Variants in DPP10 observed in about 807,000 individuals in gnomAD.
DPP10 encodes inactive dipeptidyl peptidase 10.
A neutral mutation model predicts 120.9 loss-of-function variants in DPP10; 33 were observed. That is an observed-to-expected ratio of 0.27 (90% confidence interval 0.21 to 0.37). DPP10 has a LOEUF of 0.37. Ranked by LOEUF, DPP10 falls within the 10% of genes least tolerant of loss-of-function variation. The pLI, the probability that DPP10 is intolerant of heterozygous loss-of-function variation, is 1.00. For synonymous variants in DPP10, 337 were observed against 326.1 expected (o/e 1.03, Z -0.36); for missense variants, 816 against 942.8 (o/e 0.87, Z 1.76).
At chr2:114,682,677 T>C (rs1312519492) in intron 1 of DPP10, among the ~76,000 whole-genome samples, 1 of 151,712 alleles carries the variant, frequency 6.6e-6, no homozygotes, top group Non-Finnish European at 1.5e-5. Context: ...GAAAAATAGT[T>C]AAGTTGGTTC....
Position 114,812,287 on chromosome 2 carries a change from C to T in DPP10, c.60+369449C>T, listed in dbSNP as rs191776999. Reference sequence around the variant, plus strand: ...AAAGGTTCAGTTTTTCTTAAAATGACGGTGTGAATCTTTTACTCAAGAATT... The same window carrying T: ...AAAGGTTCAGTTTTTCTTAAAATGATGGTGTGAATCTTTTACTCAAGAATT... On this transcript the variant is annotated intron_variant, in intron 1 of 25. Coordinates refer to ENST00000410059, the MANE Select transcript of DPP10 (RefSeq NM_020868.6). Among the ~76,000 whole-genome samples the T allele has an allele frequency of 3.5e-4, 53 of 152,122 alleles. 1 individual carries two copies. In the South Asian group the frequency reaches 8.5e-3, roughly 24 times the overall value.
At chr2:115,214,655 T>G (rs1223635852) in intron 1 of DPP10, among the ~76,000 whole-genome samples, 2 of 152,198 alleles carry the variant, frequency 1.3e-5, no homozygotes, top group Non-Finnish European at 2.9e-5. Flanking sequence ...ATCTGTCCTT[T>G]TTTCTGACTT....
At chr2:115,108,402 C>G (rs2049052664) in intron 1 of DPP10, among the ~76,000 whole-genome samples, 1 of 152,182 alleles carries the variant, frequency 6.6e-6, no homozygotes, top group Admixed American at 6.5e-5. Flanking sequence ...CTACAAAGCT[C>G]AAGCAAATTA....
At chr2:114,833,216 A>G (rs553154581) in intron 1 of DPP10, 69 of 152,092 alleles carry the variant, frequency 4.5e-4, no homozygotes, top group African/African-American at 1.6e-3. Flanking sequence ...CTAGATTTCA[A>G]TTCTGTGGAA....
chr2:115,779,328 A>G (rs1410361017), intron 15 of DPP10, among the ~76,000 whole-genome samples: 1 of 152,108 alleles, frequency 6.6e-6, no homozygotes, highest in Non-Finnish European at 1.5e-5. Context: ...ATAGCTCATC[A>G]AATGCCAGTT....
At position 115,343,801 on chromosome 2, in the gene DPP10, A is replaced by T; in HGVS notation, c.176-16A>T. On this transcript the variant is annotated splice_polypyrimidine_tract_variant and intron_variant, in intron 2 of 25. Transcript: ENST00000410059. ...GCATAAGATAGGCATCTAACCTAGA[A>T]TTTCCTTTATTTTAGATGAACTCAC... 6.3e-7 allele frequency: 1 copy of T among 1,589,404 alleles called. No homozygotes were observed. Among genetic ancestry groups the T allele is most frequent in the Non-Finnish European group, 8.6e-7 (1 of 1,165,402 alleles).
intron 1 of DPP10, among the ~76,000 whole-genome samples, chr2:115,019,444 T>G (rs1224332688): frequency 6.6e-6 from 1 of 152,102 alleles, no homozygotes; most frequent in Non-Finnish European, 1.5e-5. Flanking sequence ...ACAAGCCTTT[T>G]GAATTAACCC....
At chr2:115,309,506 A>G (rs759173241) in intron 2 of DPP10, among the ~76,000 whole-genome samples, 153 bp downstream of exon 2, 8 of 152,274 alleles carry the variant, frequency 5.3e-5, no homozygotes, top group Admixed American at 2.0e-4. Flanking sequence ...CATTTTGCAA[A>G]TGGCACAGTA....
intron 5 of DPP10, among the ~76,000 whole-genome samples, chr2:115,576,471 C>T (rs10153823): frequency 0.028 from 4,196 of 152,130 alleles, 183 homozygotes; most frequent in African/African-American, 0.097. Context: ...GCTAGATAGT[C>T]TTATGAAAAT....
chr2:114,678,624 C>T (rs937727448), intron 1 of DPP10, among the ~76,000 whole-genome samples: 4 of 151,956 alleles, frequency 2.6e-5, no homozygotes, highest in South Asian at 2.1e-4. Flanking sequence ...CTCTTGAGGG[C>T]AACCATTATT....
Position 115,696,662 on chromosome 2 carries a change from A to G in DPP10, c.576+6741A>G, listed in dbSNP as rs567812502. ...ACACTAGGCAGTGATTTGAAGCCTT[A>G]TAAAGAAATAAAGATCCCGGTAAAT... On this transcript the variant is annotated intron_variant, in intron 7 of 25. Coordinates refer to ENST00000410059, the MANE Select transcript of DPP10 (RefSeq NM_020868.6). 3.3e-5 allele frequency among the ~76,000 whole-genome samples: 5 copies of G among 152,338 alleles called. No individual in the cohort carries two copies. In the South Asian group the frequency reaches 8.3e-4, roughly 25 times the overall value.
chr2:115,581,735 A>G (rs527844493), intron 5 of DPP10, among the ~76,000 whole-genome samples: 1 of 152,226 alleles, frequency 6.6e-6, no homozygotes, highest in East Asian at 1.9e-4. Context: ...ACATTTAACA[A>G]TAAATTGAGC....
intron 1 of DPP10, chr2:114,829,004 C>T (rs1479589705): frequency 6.6e-6 from 1 of 152,188 alleles, no homozygotes; most frequent in Non-Finnish European, 1.5e-5. Flanking sequence ...AGTCTAGTTA[C>T]TAGGCCAGGT....
At chr2:115,506,335 C>T (rs1462440895) in intron 4 of DPP10, among the ~76,000 whole-genome samples, 2 of 152,032 alleles carry the variant, frequency 1.3e-5, no homozygotes, top group African/African-American at 4.8e-5. Context: ...ATAATGACAG[C>T]TCATTATAGA....
intron 1 of DPP10, among the ~76,000 whole-genome samples, chr2:114,959,333 T>A (rs867125158): frequency 6.6e-6 from 1 of 152,208 alleles, no homozygotes; most frequent in Non-Finnish European, 1.5e-5. Context: ...TTACAGTATG[T>A]GGCCTTTTGT....
At chr2:114,479,382 TAGAG>T (rs994641058) in intron 1 of DPP10, among the ~76,000 whole-genome samples, 13 of 148,616 alleles carry the variant, frequency 8.7e-5, no homozygotes, top group African/African-American at 2.2e-4. Flanking sequence ...GTGGTATTGA[TAGAG>T]AGATACATAG....
At chr2:115,273,336 TTTTG>T (rs1574251578) in intron 1 of DPP10, among the ~76,000 whole-genome samples, 1 of 152,116 alleles carries the variant, frequency 6.6e-6, no homozygotes, top group South Asian at 2.1e-4. Flanking sequence ...GCTTGCTTTT[TTTTG>T]TTTGTTTGTG....
At chr2:114,967,766 G>A (rs1375944841) in intron 1 of DPP10, among the ~76,000 whole-genome samples, 4 of 151,600 alleles carry the variant, frequency 2.6e-5, no homozygotes, top group Non-Finnish European at 4.4e-5. Context: ...TATCCTTATC[G>A]CCTCTGCCTT....
chr2:115,314,975 G>T (rs1309855871), intron 2 of DPP10, among the ~76,000 whole-genome samples: 4 of 152,054 alleles, frequency 2.6e-5, no homozygotes, highest in African/African-American at 9.7e-5. Flanking sequence ...TAACACACCA[G>T]TTTAAAGGAA....
Sources: gnomAD v4.1 joint callset for allele counts (sites outside exome capture counted in the v4.1 genomes callset) on GRCh38, gnomAD v4.1.1 for gene constraint, MANE v1.5 for transcripts, NCBI Gene and HGNC (gene_info 2026-07-23, HGNC 2026-07-21) for gene names.